ING5: variants seen among roughly 807,000 people sequenced by gnomAD.
ING5 encodes the protein inhibitor of growth protein 5.
ING5 carries 17 observed loss-of-function variants against 37.4 expected under a neutral mutation model. The ratio of observed to expected loss-of-function variants is 0.45; its 90% CI spans 0.31 to 0.68. The LOEUF is 0.68. Ranked by LOEUF, ING5 falls within the 30% of genes least tolerant of loss-of-function variation. The pLI is 0.05. For missense variants in ING5, 233 were observed against 311.9 expected, an observed-to-expected ratio of 0.75 and a Z score of 1.91; for synonymous variants, 123 against 116.6, an observed-to-expected ratio of 1.06 and a Z score of -0.36.
In ING5 at chr2:241,727,465, C is replaced by T. The variant is rs1035598175; in HGVS notation, c.*2434C>T. On this transcript the variant is annotated 3_prime_UTR_variant, in exon 8 of 8. Coordinates refer to ENST00000313552, the MANE Select transcript of ING5 (RefSeq NM_032329.6). Reference sequence around the variant, plus strand: ...AGCAGCTGGGATTATAGGCGTCCACCACCACGCCCAGCTAATTTTTGTATT... The same window carrying T: ...AGCAGCTGGGATTATAGGCGTCCACTACCACGCCCAGCTAATTTTTGTATT... 2.0e-5 allele frequency: 3 copies of T among 152,188 alleles called. No individual in the cohort carries two copies. The highest frequency in any genetic ancestry group is 1.3e-4 in the Admixed American group (2 of 15,272). The allele number at this position is 152,188 out of a possible 1,614,324, so 9.4% of individuals were successfully genotyped here.
At chr2:241,701,274 T>C (rs1438197173), upstream of ING5, among the ~76,000 whole-genome samples, 1 of 152,194 alleles carries the variant, frequency 6.6e-6, no homozygotes, top group Admixed American at 6.5e-5. Context: ...TCTCCAGTAT[T>C]TTTGCATGCA....
chr2:241,719,262 C>T (rs953780092), intron 5 of ING5, among the ~76,000 whole-genome samples: 8 of 152,262 alleles, frequency 5.3e-5, no homozygotes, highest in East Asian at 1.9e-4. Flanking sequence ...CTATAAATGT[C>T]GGTGGGGACG....
At chr2:241,717,731 C>T (rs1205708749) in intron 5 of ING5, among the ~76,000 whole-genome samples, 5 of 146,692 alleles carry the variant, frequency 3.4e-5, no homozygotes. Flanking sequence ...TTCTCATTGT[C>T]ACTGGCTCTT....
At chr2:241,706,683 C>A (rs533352211) in intron 2 of ING5, among the ~76,000 whole-genome samples, 1 of 150,472 alleles carries the variant, frequency 6.6e-6, no homozygotes, top group Non-Finnish European at 1.5e-5. Context: ...CATTGCATGT[C>A]TGAAAATGTG....
In ING5 at chr2:241,729,034, T is replaced by C. The variant is rs942225482; in HGVS notation, c.*4003T>C. 2.6e-5 allele frequency: 4 copies of C among 152,258 alleles called. No homozygotes were observed. The highest frequency in any genetic ancestry group is 6.5e-5 in the Admixed American group (1 of 15,276). 9.4% of individuals were successfully genotyped at this position (152,258 alleles called of 1,614,324 possible). On this transcript the variant is annotated 3_prime_UTR_variant, in exon 8 of 8. Coordinates refer to ENST00000313552, the MANE Select transcript of ING5 (RefSeq NM_032329.6). ...TCCCACATGACCCCAGAGCCGAGGG[T>C]CTGCCCTGTCCTAGGTTAGGTCTTC...
At chr2:241,696,424 CAAA>C (rs980116479) in intron 2 of ING5, among the ~76,000 whole-genome samples, 2 of 151,616 alleles carry the variant, frequency 1.3e-5, no homozygotes, top group African/African-American at 4.8e-5. Flanking sequence ...CCCCCCAAAA[CAAA>C]AAACAAAACA....
intron 2 of ING5, among the ~76,000 whole-genome samples, chr2:241,705,394 C>CTT (rs774566608): frequency 0.013 from 1,493 of 117,100 alleles, 30 homozygotes; most frequent in Non-Finnish European, 0.021. Context: ...CTGTTTTTTT[C>CTT]TTTTTTTTTT....
intron 5 of ING5, among the ~76,000 whole-genome samples, chr2:241,714,846 T>C (rs917104069): frequency 6.6e-6 from 1 of 152,200 alleles, no homozygotes; most frequent in East Asian, 1.9e-4. Flanking sequence ...TCCGCCTGCC[T>C]CAACCTCTCC....
chr2:241,709,081 A>T (rs916625031), intron 2 of ING5, 135 bp from the exon 3 acceptor site: 13 of 949,708 alleles, frequency 1.4e-5, no homozygotes. Flanking sequence ...TTGCGCTCCC[A>T]CCAGCACAGC....
intron 3 of ING5, 101 bp downstream of exon 3, chr2:241,709,483 G>C (rs957268120): frequency 4.6e-5 from 52 of 1,142,498 alleles, no homozygotes; most frequent in Non-Finnish European, 7.5e-6. Flanking sequence ...TAGCCAAGTG[G>C]AAGGCTGGCT....
At chr2:241,716,453 C>T (rs899613484) in intron 5 of ING5, among the ~76,000 whole-genome samples, 3 of 143,314 alleles carry the variant, frequency 2.1e-5, no homozygotes, top group African/African-American at 2.5e-5. Context: ...CCACCACACC[C>T]GGCTAATGTT....
At chr2:241,719,022 C>A (rs1055369683) in intron 5 of ING5, among the ~76,000 whole-genome samples, 2 of 152,174 alleles carry the variant, frequency 1.3e-5, no homozygotes, top group Non-Finnish European at 2.9e-5. Context: ...TGTTTTAGTC[C>A]AGGCCAATAG....
At chr2:241,700,070 C>T (rs1230789046), upstream of ING5, among the ~76,000 whole-genome samples, 3 of 151,764 alleles carry the variant, frequency 2.0e-5, no homozygotes, top group African/African-American at 7.3e-5. Context: ...GCAACCTCCA[C>T]GTACCAGGTT....
At chr2:241,702,021 G>C (rs2069741294), upstream of ING5, 1 of 1,332,326 alleles carries the variant, frequency 7.5e-7, no homozygotes. Flanking sequence ...CGCCTCCCGC[G>C]GCACCGCCCG....
rs974672994 is a variant in ING5 at position 241,695,410 on chromosome 2, C to T, written c.43+4757C>T. Among the ~76,000 whole-genome samples the T allele has an allele frequency of 6.0e-5, 9 of 150,156 alleles. 1 individual carries two copies. The highest frequency in any genetic ancestry group is 2.6e-4 in the Admixed American group (4 of 15,178). On this transcript the variant is annotated intron_variant, in intron 2 of 7. Transcript: ENST00000636051. ...TCACATATAACAAAATAGTTCTTGG[C>T]GGCACGGTGGCTCACGCCTGTAATC... is the stretch of plus-strand genomic sequence containing the variant.
intron 2 of ING5, among the ~76,000 whole-genome samples, chr2:241,706,807 G>A (rs191556454): frequency 3.3e-5 from 5 of 152,034 alleles, no homozygotes; most frequent in East Asian, 1.9e-4. Context: ...TAGCTTCCAC[G>A]TTGCTGCAGA....
At chr2:241,708,863 G>A (rs1309824324) in intron 2 of ING5, among the ~76,000 whole-genome samples, 3 of 152,048 alleles carry the variant, frequency 2.0e-5, no homozygotes, top group Admixed American at 6.6e-5. Context: ...CTGCTCTACC[G>A]GAAAAAAAGA....
rs1247429376 is a variant in ING5 at position 241,723,172 on chromosome 2, G to A, written c.619-38G>A. ...TTCTTGTGTTTTGCATACAGAACAT[G>A]AGGCGTGTTGACTGCGGTTTCTCCC... On this transcript the variant is annotated intron_variant, in intron 6 of 7. Transcript: ENST00000313552. The A allele has an allele frequency of 5.6e-6, 9 of 1,613,554 alleles. No individual in the cohort carries two copies. The African/African-American group carries it at 6.7e-5, about 12-fold the overall frequency.
chr2:241,709,516 G>T, intron 3 of ING5, 134 bp downstream of exon 3: 1 of 757,734 alleles, frequency 1.3e-6, no homozygotes, highest in Non-Finnish European at 2.2e-6. Context: ...GCTGCTGGAG[G>T]AAGTGCAGAC....
Sources: gnomAD v4.1 joint callset for allele counts (sites outside exome capture counted in the v4.1 genomes callset) on GRCh38, gnomAD v4.1.1 for gene constraint, MANE v1.5 for transcripts, NCBI Gene and HGNC (gene_info 2026-07-23, HGNC 2026-07-21) for gene names.